Variants in VEPH1 observed in about 807,000 individuals in gnomAD.
The protein encoded by VEPH1 is ventricular zone-expressed PH domain-containing protein homolog 1.
A neutral mutation model predicts 85.2 loss-of-function variants in VEPH1; 80 were observed. That is an observed-to-expected ratio of 0.94 (90% CI 0.78 to 1.13). VEPH1 has a LOEUF of 1.13. Ranked by LOEUF, VEPH1 falls within the 50% of genes most tolerant of loss-of-function variation. The pLI is 0.00. For synonymous variants in VEPH1, 297 were observed against 348.0 expected, an observed-to-expected ratio of 0.85 and a Z score of 1.63; for missense variants, 955 against 980.5, an observed-to-expected ratio of 0.97 and a Z score of 0.35.
At chr3:157,421,872 A>C (rs530491066) in intron 5 of VEPH1, among the ~76,000 whole-genome samples, 2 of 152,266 alleles carry the variant, frequency 1.3e-5, no homozygotes, top group East Asian at 3.9e-4. Flanking sequence ...GGTGGGGTCC[A>C]TCCACATCAC....
chr3:157,481,465 CAAAAAAA>C (rs1553796737), intron 2 of VEPH1, among the ~76,000 whole-genome samples: 31 of 63,332 alleles, frequency 4.9e-4, no homozygotes, highest in African/African-American at 1.5e-3. Context: ...CACACACACA[CAAAAAAA>C]AAAAAAAAAA....
chr3:157,474,821 T>TAA (rs376861612), intron 2 of VEPH1, among the ~76,000 whole-genome samples: 9 of 147,006 alleles, frequency 6.1e-5, no homozygotes, highest in African/African-American at 2.0e-4. Context: ...GGCATGGTGT[T>TAA]AAAAAAAAAA....
At chr3:157,421,284 T>G (rs1220562870) in intron 5 of VEPH1, among the ~76,000 whole-genome samples, 2 of 152,040 alleles carry the variant, frequency 1.3e-5, no homozygotes, top group Non-Finnish European at 1.5e-5. Context: ...CCTCCAGCCC[T>G]GGAAAGCCAT....
At chr3:157,287,852 A>G (rs1185973612) in intron 11 of VEPH1, among the ~76,000 whole-genome samples, 1 of 152,196 alleles carries the variant, frequency 6.6e-6, no homozygotes, top group African/African-American at 2.4e-5. Flanking sequence ...GGCATGAGCC[A>G]CCGTGCATGG....
chr3:157,334,405 T>G (rs983941938), intron 9 of VEPH1, among the ~76,000 whole-genome samples: 1 of 152,204 alleles, frequency 6.6e-6, no homozygotes, highest in Non-Finnish European at 1.5e-5. Context: ...GGAAGGCATT[T>G]TCATGTGGCT....
chr3:157,467,114 T>G (rs1736444535), intron 3 of VEPH1, among the ~76,000 whole-genome samples: 1 of 127,104 alleles, frequency 7.9e-6, no homozygotes, highest in Admixed American at 8.6e-5. Flanking sequence ...AAGAAAAGTG[T>G]GTGTGTGTGT....
intron 4 of VEPH1, among the ~76,000 whole-genome samples, chr3:157,449,446 C>T (rs867468041): frequency 6.6e-6 from 1 of 152,278 alleles, no homozygotes; most frequent in African/African-American, 2.4e-5. Flanking sequence ...TCTCTATTGT[C>T]AATATTCCCC....
chr3:157,304,094 A>G (rs1231490474), intron 11 of VEPH1, among the ~76,000 whole-genome samples: 1 of 146,322 alleles, frequency 6.8e-6, no homozygotes, highest in Non-Finnish European at 1.5e-5. Flanking sequence ...TTACTTACTT[A>G]TGCATTTATA....
intron 9 of VEPH1, among the ~76,000 whole-genome samples, chr3:157,330,692 G>C (rs970366184): frequency 3.9e-5 from 6 of 152,184 alleles, no homozygotes; most frequent in African/African-American, 1.2e-4. Flanking sequence ...TGCTCCAGCT[G>C]TAGGGATCAT....
At chr3:157,358,495 A>G (rs1725687376) in intron 9 of VEPH1, among the ~76,000 whole-genome samples, 1 of 152,184 alleles carries the variant, frequency 6.6e-6, no homozygotes, top group African/African-American at 2.4e-5. Flanking sequence ...TAATCCCATG[A>G]TTAAACTAAT....
chr3:157,383,664 A>T (rs1729002535), intron 6 of VEPH1, among the ~76,000 whole-genome samples: 1 of 152,160 alleles, frequency 6.6e-6, no homozygotes, highest in Non-Finnish European at 1.5e-5. Context: ...TTTAAACCCC[A>T]CTAGGGCACA....
chr3:157,307,552 C>T (rs1415354686), intron 11 of VEPH1, among the ~76,000 whole-genome samples: 1 of 151,868 alleles, frequency 6.6e-6, no homozygotes, highest in Non-Finnish European at 1.5e-5. Flanking sequence ...CTATCACCTA[C>T]CAAGCTTTCA....
At chr3:157,326,457 T>A (rs1721917962) in intron 9 of VEPH1, among the ~76,000 whole-genome samples, 1 of 152,194 alleles carries the variant, frequency 6.6e-6, no homozygotes, top group African/African-American at 2.4e-5. Flanking sequence ...ATAATAGCCT[T>A]GCAAGTGAGG....
At chr3:157,443,132 C>A in intron 4 of VEPH1, 1 of 861,480 alleles carries the variant, frequency 1.2e-6, no homozygotes, top group Non-Finnish European at 1.7e-6. Context: ...TGGCCAAATA[C>A]TGAATAAACA....
chr3:157,417,121 T>C (rs533844534), intron 5 of VEPH1, among the ~76,000 whole-genome samples: 129 of 152,284 alleles, frequency 8.5e-4, no homozygotes, highest in African/African-American at 2.8e-3. Context: ...ATGATAATGA[T>C]AGAAAACACA....
intron 6 of VEPH1, among the ~76,000 whole-genome samples, chr3:157,382,348 C>A (rs1488856371): frequency 6.6e-6 from 1 of 152,076 alleles, no homozygotes; most frequent in Non-Finnish European, 1.5e-5. Flanking sequence ...TCTCTTATAC[C>A]TATTAAAACT....
intron 4 of VEPH1, chr3:157,437,778 G>A (rs1431216595): frequency 6.8e-7 from 1 of 1,475,492 alleles, no homozygotes; most frequent in Non-Finnish European, 8.9e-7. Context: ...GCAGGCTGGC[G>A]CGTATGGAGG....
intron 11 of VEPH1, among the ~76,000 whole-genome samples, chr3:157,307,219 T>G (rs563054362): frequency 6.6e-6 from 1 of 152,118 alleles, no homozygotes; most frequent in South Asian, 2.1e-4. Context: ...TATATGTTCT[T>G]AAGTGTTCTT....
At chr3:157,274,700 A>G (rs568180796) in intron 12 of VEPH1, among the ~76,000 whole-genome samples, 1 of 152,054 alleles carries the variant, frequency 6.6e-6, no homozygotes, top group Non-Finnish European at 1.5e-5. Context: ...GGGTCTTACC[A>G]TGCTGCCCAG....
Sources: allele counts gnomAD v4.1 joint callset (sites outside exome capture counted in the v4.1 genomes callset), GRCh38; gene constraint gnomAD v4.1.1; transcripts MANE v1.5; gene names NCBI Gene and HGNC (gene_info 2026-07-23, HGNC 2026-07-21).